Variants in LAMA5 observed in about 807,000 individuals in gnomAD.
LAMA5 encodes laminin subunit alpha-5.
In LAMA5, 260 loss-of-function variants were observed where a neutral mutation model predicts 433.4. That is an observed-to-expected ratio of 0.60 (90% CI 0.54 to 0.66). The LOEUF (loss-of-function observed/expected upper bound fraction) is 0.66, where lower values mean the gene tolerates loss of function less well. Among genes scored for constraint, LAMA5 ranks in the 30% least tolerant of loss-of-function variants. The pLI, the probability that LAMA5 is intolerant of heterozygous loss-of-function variation, is 0.00. For synonymous variants in LAMA5, 2,620 were observed against 2,226.6 expected (o/e 1.18, Z -4.97); for missense variants, 5,378 against 5,258.5 (o/e 1.02, Z -0.70).
chr20:62,343,493 A>C (rs1420372458), intron 11 of LAMA5, among the ~76,000 whole-genome samples: 1 of 152,164 alleles, frequency 6.6e-6, no homozygotes, highest in Non-Finnish European at 1.5e-5. Flanking sequence ...TAGGTGATAC[A>C]GGCTGGGCGC....
rs767499635 is a variant in LAMA5 at position 62,322,674 on chromosome 20, C to A, written c.6149G>T (p.Arg2050Leu). The change falls in exon 46 of 80, where the codon CGC becomes CTC. Residue 2050 changes from arginine (R) to leucine (L), a missense_variant. Transcript: ENST00000252999. ...CAGCCCTACCTGGCAGCGGTCACAGCGCCGCCCAGTCACGCCCGCCTTGCA... is the reference window on the plus strand; with the variant it reads ...CAGCCCTACCTGGCAGCGGTCACAGAGCCGCCCAGTCACGCCCGCCTTGCA... The part of the protein sequence containing the change: ...CLCKAGVTGR[R>L]CDRCQEGHFG... 1 of 1,543,016 alleles carries A rather than the reference C, an allele frequency of 6.5e-7. No individual in the cohort carries two copies. The highest frequency in any genetic ancestry group is 8.7e-7 in the Non-Finnish European group (1 of 1,146,204).
chr20:62,336,713 C>T (rs1473754646), intron 17 of LAMA5, 21 bp downstream of exon 17: 4 of 1,612,820 alleles, frequency 2.5e-6, no homozygotes, highest in South Asian at 1.1e-5. Flanking sequence ...ATCTCCCACA[C>T]ACGAGCAGAC....
At chr20:62,318,761 G>A in intron 52 of LAMA5, 82 bp downstream of exon 52, 2 of 1,571,298 alleles carry the variant, frequency 1.3e-6, no homozygotes, top group Non-Finnish European at 1.7e-6. Context: ...CCCACCTGAT[G>A]CCACTCCATG....
rs559740707 is a variant in LAMA5, at chr20:62,317,243, C to T, written c.7511+102G>A. The T allele has an allele frequency of 1.5e-4, 193 of 1,308,994 alleles. 1 individual carries two copies. Among genetic ancestry groups the T allele is most frequent in the Middle Eastern group, 8.2e-4 (3 of 3,654 alleles). 81.1% of individuals were successfully genotyped at this position (1,308,994 alleles called of 1,614,324 possible). ...GAAGGCCTGGCTTCTTTGAGGACAA[C>T]GGCCTCAGCCCCTAGGAGCCTTCCC... On this transcript the variant is annotated intron_variant, in intron 55 of 79. Transcript: ENST00000252999.
intron 6 of LAMA5, among the ~76,000 whole-genome samples, chr20:62,348,400 C>T (rs7267182): frequency 0.031 from 4,733 of 152,178 alleles, 238 homozygotes; most frequent in African/African-American, 0.11. Context: ...GTCAGGAGAT[C>T]GAGACCATCT....
At position 62,314,546 on chromosome 20, in the gene LAMA5, G is replaced by A. The variant is rs1311290100; in HGVS notation, c.8367+9C>T. 1.2e-6 allele frequency: 2 copies of A among 1,606,906 alleles called. No homozygotes were observed. Among genetic ancestry groups the A allele is most frequent in the East Asian group, 4.5e-5 (2 of 44,784 alleles). ...AGCTCGGGCCGCATCCACCCAGCCA[G>A]CCTGGTACCTGGCGGCTGCCCATGT... On this transcript the variant is annotated intron_variant, in intron 61 of 79. Transcript: ENST00000252999.
chr20:62,345,204 T>A (rs1983165489), intron 11 of LAMA5, among the ~76,000 whole-genome samples: 1 of 151,962 alleles, frequency 6.6e-6, no homozygotes, highest in Admixed American at 6.5e-5. Context: ...GGTTTCACCA[T>A]GTTAGCCAGG....
chr20:62,322,905 C>T, intron 45 of LAMA5, 147 bp from the exon 46 acceptor site: 1 of 571,262 alleles, frequency 1.8e-6, no homozygotes, highest in Non-Finnish European at 3.0e-6. Flanking sequence ...CGTGTCCCAG[C>T]CTGGCCCCAC....
rs755440715 is a variant in LAMA5, at chr20:62,346,127, C to T, written c.1371G>A (p.Arg457=). 1.9e-6 allele frequency: 3 copies of T among 1,612,980 alleles called. No homozygotes were observed. In the South Asian group the frequency reaches 3.3e-5, roughly 18 times the overall value. The change falls in exon 10 of 80, where the codon CGG becomes CGA. Residue 457 remains arginine, a synonymous_variant. Transcript: ENST00000252999. The part of the protein sequence containing the change: ...CYCRPNFSGE[R]CDVCAEGFTG... ...TGAAGCCCTCGGCACACACGTCACA[C>T]CGCTCCCCAGAGAAGTTGGGCCGGC...
At position 62,315,070 on chromosome 20, in the gene LAMA5, C is replaced by T. The variant is rs767854079; in HGVS notation, c.8005G>A (p.Gly2669Ser). The change falls in exon 59 of 80, where the codon GGC becomes AGC. Residue 2669 changes from glycine to serine, a missense_variant. Transcript: ENST00000252999. ...RWQGQYEGLRGQDLGQAVLDA... is the reference protein window; with the variant it reads ...RWQGQYEGLRSQDLGQAVLDA... ...AGCACTGCCTGGCCCAGGTCCTGGC[C>T]CCGCAGGCCCTCGTACTGGCCCTGC... The T allele has an allele frequency of 6.2e-7, 1 of 1,601,350 alleles. No individual in the cohort carries two copies. Among genetic ancestry groups the T allele is most frequent in the Non-Finnish European group, 8.5e-7 (1 of 1,179,108 alleles).
At chr20:62,365,507 G>T (rs139819425) in intron 1 of LAMA5, among the ~76,000 whole-genome samples, 2 of 152,168 alleles carry the variant, frequency 1.3e-5, no homozygotes, top group Non-Finnish European at 2.9e-5. Context: ...CAGGCTGTGG[G>T]GGGGTGGTCT....
rs769541786 is a variant in LAMA5, at chr20:62,309,447, G to T, written c.10977C>A (p.Pro3659=). The stretch of plus-strand genomic sequence containing the variant: ...GCCTCCTCATGCAGCCGCAGTAGGC[G>T]GGGGGCCAGGGCTGCACGGCCATGG... ...PEPMAVQPWP[P]AYCGCMRRLA... Residue 3659 remains proline (P), a synonymous_variant, in exon 80 of 80, where the codon CCC becomes CCA. Coordinates refer to ENST00000252999, the MANE Select transcript of LAMA5 (RefSeq NM_005560.6). 26 of 1,583,168 alleles carry T rather than the reference G, an allele frequency of 1.6e-5. No homozygotes were observed. The African/African-American group carries it at 2.5e-4, about 15-fold the overall frequency.
At chr20:62,321,039 A>C in intron 48 of LAMA5, 149 bp from the exon 49 acceptor site, 1 of 835,958 alleles carries the variant, frequency 1.2e-6, no homozygotes, top group Non-Finnish European at 1.9e-6. Flanking sequence ...GGGAGGTCCC[A>C]GAGTTCTGGC....
intron 48 of LAMA5, among the ~76,000 whole-genome samples, chr20:62,321,211 G>T: frequency 1.6e-5 from 2 of 124,716 alleles, no homozygotes; most frequent in East Asian, 4.9e-4. Context: ...AGTGGAGGAA[G>T]AGGGGGCCAG....
In LAMA5 at chr20:62,324,125, G is replaced by A; in HGVS notation, c.5723C>T (p.Ala1908Val). Residue 1908 changes from alanine to valine, a missense_variant, in exon 43 of 80, where the codon GCC becomes GTC. By Grantham distance (64) the Ala-to-Val change is moderately conservative (BLOSUM62 0). Transcript: ENST00000252999. The surrounding 1 kb of genome is among the most constrained non-coding windows in gnomAD (Gnocchi z 4.4). ...GGGGCAGGGGCAGCTGACACAGGGG[G>A]CGCTGGGGTCGTCCCTGCTGCTCAC... Reference protein sequence around the residue: ...GFVSSRDDPSAPCVSCPCPLS... With the variant: ...GFVSSRDDPSVPCVSCPCPLS... The A allele has an allele frequency of 6.5e-7, 1 of 1,536,120 alleles. No individual in the cohort carries two copies. Among genetic ancestry groups the A allele is most frequent in the Non-Finnish European group, 8.7e-7 (1 of 1,146,506 alleles).
At chr20:62,350,808 G>A (rs942898609) in intron 6 of LAMA5, among the ~76,000 whole-genome samples, 14 of 152,214 alleles carry the variant, frequency 9.2e-5, no homozygotes, top group Non-Finnish European at 1.3e-4. Flanking sequence ...TGCCTCCCCC[G>A]GAACAGGTGC....
Position 62,312,655 on chromosome 20 carries a change from C to T in LAMA5, c.9204G>A (p.Val3068=). 6.2e-7 allele frequency: 1 copy of T among 1,607,168 alleles called. No individual in the cohort carries two copies. The highest frequency in any genetic ancestry group is 1.1e-5 in the South Asian group (1 of 90,230). ...ACCTCGGGGGCAGCTGGTCGGGCGG[C>T]ACGCCCCCCAGGTAGTAGGCGTCGG... ...ELADAYYLGG[V]PPDQLPPSLR... Residue 3068 remains valine, a synonymous_variant, in exon 67 of 80, where the codon GTG becomes GTA. Transcript: ENST00000252999.
intron 1 of LAMA5, among the ~76,000 whole-genome samples, chr20:62,365,678 G>A (rs1378506925): frequency 6.6e-6 from 1 of 152,144 alleles, no homozygotes; most frequent in African/African-American, 2.4e-5. Flanking sequence ...CAGATAAGGG[G>A]GCAGCCAGGA....
At chr20:62,362,667 C>T in intron 1 of LAMA5, 115 bp from the exon 2 acceptor site, 7 of 909,374 alleles carry the variant, frequency 7.7e-6, no homozygotes, top group Non-Finnish European at 1.1e-5. Flanking sequence ...GGTTCCACGC[C>T]CAGCCTCTGC....
Sources: gnomAD v4.1 joint callset for allele counts (sites outside exome capture counted in the v4.1 genomes callset) on GRCh38, gnomAD v4.1.1 for gene constraint, Gnocchi (gnomAD v3.1) non-coding constraint, MANE v1.5 for transcripts, NCBI Gene and HGNC (gene_info 2026-07-23, HGNC 2026-07-21) for gene names.